The following ROBO2 variants were observed in gnomAD, a reference collection of about 807,000 sequenced individuals.
ROBO2 encodes roundabout homolog 2.
In ROBO2, 53 loss-of-function variants were observed where a neutral mutation model predicts 160.8. The observed-to-expected ratio is 0.33, with a 90% CI of 0.26 to 0.41. The LOEUF is 0.41. Among genes scored for constraint, ROBO2 ranks in the 10% least tolerant of loss-of-function variants. ROBO2 has a pLI of 1.00. For synonymous variants in ROBO2, 664 were observed against 611.7 expected (o/e 1.09, Z -1.26); for missense variants, 1,577 against 1,722.4 (o/e 0.92, Z 1.49).
At chr3:76,141,628 T>C (rs1030355528) in intron 2 of ROBO2, among the ~76,000 whole-genome samples, 1 of 151,938 alleles carries the variant, frequency 6.6e-6, no homozygotes, top group African/African-American at 2.4e-5. Context: ...TTAGGCTTCA[T>C]GTGATAAACA....
At chr3:77,458,597 T>G (rs1050955091) in intron 2 of ROBO2, among the ~76,000 whole-genome samples, 1 of 152,022 alleles carries the variant, frequency 6.6e-6, no homozygotes, top group East Asian at 1.9e-4. Context: ...TTTTTCTTTT[T>G]TTTTTTTATG....
rs567874082 is a variant in ROBO2 at position 76,031,363 on chromosome 3, T to C, written c.109+93761T>C. ...ATTGAATACCCTTTATTTCTTTCTC[T>C]TGCCTGATTGCCCTGGCCAGAACTT... On this transcript the variant is annotated intron_variant, in intron 2 of 26. Transcript: ENST00000487694. Among the ~76,000 whole-genome samples the C allele has an allele frequency of 5.1e-4, 78 of 152,254 alleles. No individual in the cohort carries two copies. The South Asian group carries it at 0.016, about 31-fold the overall frequency.
intron 2 of ROBO2, among the ~76,000 whole-genome samples, chr3:76,050,164 C>G (rs1044298625): frequency 2.6e-5 from 4 of 152,126 alleles, no homozygotes; most frequent in African/African-American, 4.8e-5. Context: ...TCTGGGTGGG[C>G]ACTGTCTAAT....
At chr3:77,333,865 A>T (rs765544146) in intron 2 of ROBO2, among the ~76,000 whole-genome samples, 1 of 152,146 alleles carries the variant, frequency 6.6e-6, no homozygotes, top group East Asian at 1.9e-4. Context: ...TGAAATAGGG[A>T]TGGAAAGGGT....
At chr3:77,082,739 G>A (rs2068805819) in intron 1 of ROBO2, among the ~76,000 whole-genome samples, 1 of 151,298 alleles carries the variant, frequency 6.6e-6, no homozygotes, top group South Asian at 2.1e-4. Flanking sequence ...ATAGTGTATT[G>A]TATGTACACT....
chr3:76,342,311 C>T (rs1344395738), intron 2 of ROBO2, among the ~76,000 whole-genome samples: 1 of 152,134 alleles, frequency 6.6e-6, no homozygotes, highest in Non-Finnish European at 1.5e-5. Flanking sequence ...AGACACGTGA[C>T]TCTCAGGTGA....
In ROBO2 at chr3:76,222,358, A is replaced by G. The variant is rs1209253051; in HGVS notation, c.109+284756A>G. ...TTAGAGCAGGAATGAAAGGAAGGAA[A>G]GAAAGTATACTTGGAAGAGGGCCAA... On this transcript the variant is annotated intron_variant, in intron 2 of 26. Transcript: ENST00000487694. Among the ~76,000 whole-genome samples the G allele has an allele frequency of 2.0e-5, 3 of 152,162 alleles. No individual in the cohort carries two copies. The East Asian group carries it at 5.8e-4, about 29-fold the overall frequency.
intron 2 of ROBO2, among the ~76,000 whole-genome samples, chr3:76,720,476 A>G (rs17014575): frequency 0.019 from 2,931 of 152,302 alleles, 87 homozygotes; most frequent in African/African-American, 0.065. Flanking sequence ...CTGGACTTTC[A>G]GAGGCATTTA....
At chr3:76,493,199 T>A (rs1181999072) in intron 2 of ROBO2, among the ~76,000 whole-genome samples, 2 of 151,856 alleles carry the variant, frequency 1.3e-5, no homozygotes, top group East Asian at 3.9e-4. Context: ...TTTGTTTCTT[T>A]AGCTATTTTC....
intron 2 of ROBO2, among the ~76,000 whole-genome samples, chr3:77,239,566 A>C (rs2088648115): frequency 6.6e-6 from 1 of 151,906 alleles, no homozygotes; most frequent in Non-Finnish European, 1.5e-5. Context: ...ATCTGACCCC[A>C]CCCACATCTT....
At chr3:77,649,131 C>T (rs976959191) in exon 26 of ROBO2, 1 of 152,066 alleles carries the variant, frequency 6.6e-6, no homozygotes, top group African/African-American at 2.4e-5. Flanking sequence ...AGAATTGATT[C>T]CTTCACAGGA....
chr3:76,912,967 A>C (rs2148941501), intron 2 of ROBO2, among the ~76,000 whole-genome samples: 1 of 152,202 alleles, frequency 6.6e-6, no homozygotes, highest in African/African-American at 2.4e-5. Flanking sequence ...AAAAAAAAAT[A>C]GGTCTTATAC....
intron 5 of ROBO2, among the ~76,000 whole-genome samples, chr3:77,506,264 G>A (rs2088506702): frequency 6.6e-6 from 1 of 152,122 alleles, no homozygotes; most frequent in African/African-American, 2.4e-5. Flanking sequence ...TCAGTAAACA[G>A]AAAATAAAGT....
At chr3:77,057,545 G>A (rs1181458293) in intron 1 of ROBO2, among the ~76,000 whole-genome samples, 1 of 147,630 alleles carries the variant, frequency 6.8e-6, no homozygotes, top group Non-Finnish European at 1.5e-5. Flanking sequence ...TAATGTGGAA[G>A]CTATACCTTT....
chr3:76,064,652 G>A (rs2068190951), intron 2 of ROBO2, among the ~76,000 whole-genome samples: 1 of 151,934 alleles, frequency 6.6e-6, no homozygotes, highest in Non-Finnish European at 1.5e-5. Context: ...TCTGAATCAG[G>A]TCTTTTAATT....
chr3:77,371,723 A>T (rs1283770039), intron 2 of ROBO2, among the ~76,000 whole-genome samples: 1 of 152,220 alleles, frequency 6.6e-6, no homozygotes, highest in Admixed American at 6.5e-5. Flanking sequence ...GTGAAAGTTT[A>T]AGAATGACCT....
chr3:76,666,485 T>G (rs540306487), intron 2 of ROBO2, among the ~76,000 whole-genome samples: 1 of 152,196 alleles, frequency 6.6e-6, no homozygotes, highest in African/African-American at 2.4e-5. Context: ...ATTAGTGAAT[T>G]TGGGTTATCT....
At chr3:76,898,485 A>G (rs2074982075) in intron 2 of ROBO2, among the ~76,000 whole-genome samples, 1 of 152,126 alleles carries the variant, frequency 6.6e-6, no homozygotes, top group African/African-American at 2.4e-5. Context: ...CTGATTCATA[A>G]TATCTACATC....
At chr3:77,586,480 A>G (rs1326571412) in intron 16 of ROBO2, among the ~76,000 whole-genome samples, 1 of 152,142 alleles carries the variant, frequency 6.6e-6, no homozygotes, top group Non-Finnish European at 1.5e-5. Context: ...TGGGATGAAG[A>G]CATTATATTT....
Sources: allele counts gnomAD v4.1 joint callset (sites outside exome capture counted in the v4.1 genomes callset), GRCh38; gene constraint gnomAD v4.1.1; transcripts MANE v1.5; gene names NCBI Gene and HGNC (gene_info 2026-07-23, HGNC 2026-07-21).